Variants in INTS12 observed in about 807,000 individuals in gnomAD.
INTS12 encodes the protein PHD finger protein 22.
Under a neutral mutation model 41.6 loss-of-function variants are expected in INTS12, and 13 were observed. The ratio of observed to expected loss-of-function variants is 0.31; its 90% confidence interval spans 0.20 to 0.50. The LOEUF (loss-of-function observed/expected upper bound fraction) is 0.50. Among genes scored for constraint, INTS12 ranks in the 20% least tolerant of loss-of-function variants. The pLI is 0.98. For missense variants in INTS12, 432 were observed against 541.6 expected, an observed-to-expected ratio of 0.80 and a Z score of 2.01; for synonymous variants, 199 against 191.4, an observed-to-expected ratio of 1.04 and a Z score of -0.33.
chr4:105,695,718 A>AT, intron 3 of INTS12, 50 bp from the exon 4 acceptor site: 2 of 1,376,848 alleles, frequency 1.5e-6, no homozygotes, highest in Non-Finnish European at 2.0e-6. Context: ...ACTGATCATC[A>AT]TAAAAAAAGA....
intron 1 of INTS12, 122 bp downstream of exon 1, chr4:105,708,516 T>C: frequency 1.0e-6 from 1 of 985,286 alleles, no homozygotes; most frequent in Non-Finnish European, 1.2e-6. Flanking sequence ...GCCCGTAAAT[T>C]ATGATTCCCC....
chr4:105,682,708 T>C lies in INTS12; in HGVS notation c.*25A>G, dbSNP rs778333714. The C allele has an allele frequency of 1.1e-5, 17 of 1,558,912 alleles. No individual in the cohort carries two copies. The highest frequency in any genetic ancestry group is 1.5e-5 in the Non-Finnish European group (17 of 1,131,874). On this transcript the variant is annotated 3_prime_UTR_variant, in exon 8 of 8. Transcript: ENST00000340139. ...TAAGCCTTTCATCTTTAGGCTAATA[T>C]GATACAAAAACCTACTTGGCCACAT... is the stretch of plus-strand genomic sequence containing the variant.
At chr4:105,702,652 C>A (rs1285487252) in intron 2 of INTS12, among the ~76,000 whole-genome samples, 1 of 152,128 alleles carries the variant, frequency 6.6e-6, no homozygotes, top group Non-Finnish European at 1.5e-5. Context: ...AATCCAGGGA[C>A]CTCTTCAAAG....
In INTS12 at chr4:105,708,632, A is replaced by T. The variant is rs1408028587; in HGVS notation, c.-172+6T>A. Reference sequence around the variant, plus strand: ...GCCAGGAGCAGAGTCGCTCAGCATAACTCACCGTTCCGCCCCGCCCTGCCG... The same window carrying T: ...GCCAGGAGCAGAGTCGCTCAGCATATCTCACCGTTCCGCCCCGCCCTGCCG... On this transcript the variant is annotated splice_donor_region_variant and intron_variant, in intron 1 of 7. Coordinates refer to ENST00000340139, the MANE Select transcript of INTS12 (RefSeq NM_020395.4). 11 of 980,690 alleles carry T rather than the reference A, an allele frequency of 1.1e-5. No homozygotes were observed. The highest frequency in any genetic ancestry group is 1.3e-5 in the Non-Finnish European group (11 of 828,564). The allele number at this position is 980,690 out of a possible 1,614,324, so 60.7% of individuals were successfully genotyped here.
intron 2 of INTS12, among the ~76,000 whole-genome samples, chr4:105,701,776 T>C (rs531422159): frequency 1.2e-4 from 19 of 152,288 alleles, no homozygotes; most frequent in African/African-American, 3.8e-4. Context: ...GACCAAAGGG[T>C]TGACACCTAA....
At chr4:105,698,914 C>G (rs149999091) in intron 3 of INTS12, among the ~76,000 whole-genome samples, 1,980 of 152,144 alleles carry the variant, frequency 0.013, 19 homozygotes, top group Non-Finnish European at 0.017. Flanking sequence ...AGTCCACAGA[C>G]CTGAGTGATT....
chr4:105,694,244 TA>T (rs1297613006), intron 4 of INTS12, among the ~76,000 whole-genome samples: 2 of 152,178 alleles, frequency 1.3e-5, no homozygotes, highest in Non-Finnish European at 2.9e-5. Flanking sequence ...CTACATGCAT[TA>T]ACAAAGATAC....
intron 2 of INTS12, chr4:105,700,325 C>T (rs1056764934): frequency 5.9e-6 from 1 of 168,346 alleles, no homozygotes; most frequent in Non-Finnish European, 1.3e-5. Context: ...AAAAGATACA[C>T]TTCGCAGTTT....
intron 1 of INTS12, chr4:105,708,229 C>T (rs1390455783): frequency 1.0e-6 from 1 of 985,438 alleles, no homozygotes; most frequent in Non-Finnish European, 1.2e-6. Flanking sequence ...ACAGCAAACA[C>T]TTAGAAAAGG....
At chr4:105,706,553 A>C (rs577771564) in intron 1 of INTS12, 2 of 152,298 alleles carry the variant, frequency 1.3e-5, no homozygotes, top group Admixed American at 1.3e-4. Flanking sequence ...CTTAAATTTG[A>C]ATCCCATGTT....
At chr4:105,701,843 T>G (rs1230560322) in intron 2 of INTS12, among the ~76,000 whole-genome samples, 1 of 152,130 alleles carries the variant, frequency 6.6e-6, no homozygotes, top group African/African-American at 2.4e-5. Context: ...TGCTGAAAAA[T>G]GAAAGCCAAG....
chr4:105,704,271 CTT>C (rs1732186911), intron 1 of INTS12, among the ~76,000 whole-genome samples: 1 of 152,214 alleles, frequency 6.6e-6, no homozygotes, highest in Non-Finnish European at 1.5e-5. Context: ...CCTCCTACTT[CTT>C]TGTCAGTCAT....
intron 1 of INTS12, among the ~76,000 whole-genome samples, chr4:105,704,801 A>G (rs1277291124): frequency 6.6e-5 from 10 of 152,074 alleles, no homozygotes; most frequent in Admixed American, 6.6e-4. Context: ...AACTCTTCCC[A>G]CTTCCTTAAT....
intron 2 of INTS12, among the ~76,000 whole-genome samples, chr4:105,701,991 T>G (rs189783626): frequency 6.6e-5 from 10 of 152,302 alleles, no homozygotes; most frequent in African/African-American, 2.2e-4. Flanking sequence ...GAGTCAGTTC[T>G]TTTTATGCAA....
intron 6 of INTS12, among the ~76,000 whole-genome samples, chr4:105,691,507 C>G (rs1315184581): frequency 2.0e-5 from 3 of 152,142 alleles, no homozygotes; most frequent in Non-Finnish European, 4.4e-5. Flanking sequence ...GACTAAGCAA[C>G]AGAGAAATGC....
intron 6 of INTS12, among the ~76,000 whole-genome samples, chr4:105,687,726 T>C (rs952672857): frequency 2.0e-5 from 3 of 152,146 alleles, no homozygotes; most frequent in Non-Finnish European, 4.4e-5. Context: ...GGTGGTTCAC[T>C]TGAGGTCAGG....
At chr4:105,697,303 T>C (rs1402508206) in intron 3 of INTS12, among the ~76,000 whole-genome samples, 2 of 152,242 alleles carry the variant, frequency 1.3e-5, no homozygotes, top group Admixed American at 1.3e-4. Context: ...CCCATCATTC[T>C]AAACAAAACT....
At chr4:105,684,450 T>C (rs1229792251) in intron 7 of INTS12, among the ~76,000 whole-genome samples, 1 of 152,144 alleles carries the variant, frequency 6.6e-6, no homozygotes, top group African/African-American at 2.4e-5. Flanking sequence ...AACTTTACTC[T>C]GAAATAGTTG....
intron 7 of INTS12, among the ~76,000 whole-genome samples, chr4:105,685,436 CTATATGA>C (rs1469803741): frequency 6.6e-6 from 1 of 152,090 alleles, no homozygotes; most frequent in Non-Finnish European, 1.5e-5. Flanking sequence ...CACCAAGTTC[CTATATGA>C]CAAATCAATA....
Sources: gnomAD v4.1 joint callset for allele counts (sites outside exome capture counted in the v4.1 genomes callset) on GRCh38, gnomAD v4.1.1 for gene constraint, MANE v1.5 for transcripts, NCBI Gene and HGNC (gene_info 2026-07-23, HGNC 2026-07-21) for gene names.